ARID5B: variants seen among roughly 807,000 people sequenced by gnomAD.
ARID5B encodes the protein AT-rich interactive domain-containing protein 5B.
A neutral mutation model predicts 97.2 loss-of-function variants in ARID5B; 13 were observed. The ratio of observed to expected loss-of-function variants is 0.13; its 90% CI spans 0.09 to 0.21. ARID5B has a LOEUF of 0.21. ARID5B is among the 10% of genes least tolerant of loss of function. ARID5B has a pLI of 1.00. For missense variants in ARID5B, 1,210 were observed against 1,465.3 expected (o/e 0.83, Z 2.84); for synonymous variants, 556 against 570.3 (o/e 0.97, Z 0.36).
At chr10:61,938,749 C>T (rs1844347364) in intron 2 of ARID5B, among the ~76,000 whole-genome samples, 1 of 151,982 alleles carries the variant, frequency 6.6e-6, no homozygotes, top group South Asian at 2.1e-4. Flanking sequence ...GAAAGGATTC[C>T]ATTACTAAAG....
At chr10:62,051,671 T>A (rs2132932421) in intron 5 of ARID5B, among the ~76,000 whole-genome samples, 1 of 152,332 alleles carries the variant, frequency 6.6e-6, no homozygotes, top group East Asian at 1.9e-4. Context: ...CTGAAGTATT[T>A]TGCACGACAA....
intron 3 of ARID5B, among the ~76,000 whole-genome samples, chr10:61,986,100 G>A (rs1838843465): frequency 6.6e-6 from 1 of 151,956 alleles, no homozygotes; most frequent in South Asian, 2.1e-4. Flanking sequence ...AATCTGACAG[G>A]GCTCTTCTCA....
Position 62,091,073 on chromosome 10 carries a change from G to C in ARID5B, c.1610G>C (p.Gly537Ala), listed in dbSNP as rs148762493. The C allele has an allele frequency of 5.6e-5, 91 of 1,613,704 alleles. No homozygotes were observed. Among genetic ancestry groups the C allele is most frequent in the Non-Finnish European group, 7.1e-5 (84 of 1,179,974 alleles). ...EKVAEEAGEK[G>A]PTPPLPSAPL... ...GTGGCAGAGGAGGCGGGAGAGAAGG[G>C]GCCCACACCTCCACTCCCAAGTGCT... is the stretch of plus-strand genomic sequence containing the variant. Residue 537 changes from glycine (G) to alanine (A), a missense_variant, in exon 10 of 10, where the codon GGG becomes GCG. Coordinates refer to ENST00000279873, the MANE Select transcript of ARID5B (RefSeq NM_032199.3).
chr10:61,993,104 T>C (rs1226106690), intron 3 of ARID5B, among the ~76,000 whole-genome samples: 1 of 137,096 alleles, frequency 7.3e-6, no homozygotes, highest in Non-Finnish European at 1.6e-5. Flanking sequence ...TTAACAGCTT[T>C]GATGAGGAAG....
intron 3 of ARID5B, among the ~76,000 whole-genome samples, chr10:61,987,643 C>T (rs1200136540): frequency 1.3e-5 from 2 of 152,170 alleles, no homozygotes; most frequent in African/African-American, 2.4e-5. Flanking sequence ...ACAACTGTGC[C>T]GTCGTAGTGT....
At chr10:61,925,832 C>T (rs969477206) in intron 2 of ARID5B, among the ~76,000 whole-genome samples, 35 of 152,182 alleles carry the variant, frequency 2.3e-4, no homozygotes, top group East Asian at 1.9e-4. Context: ...TTGTTTGATA[C>T]GCAAATGCCG....
intron 4 of ARID5B, among the ~76,000 whole-genome samples, chr10:62,045,210 A>G (rs962327950): frequency 3.9e-5 from 6 of 152,202 alleles, no homozygotes; most frequent in Admixed American, 3.9e-4. Context: ...CATTACACCC[A>G]TAAATTTTAG....
intron 4 of ARID5B, among the ~76,000 whole-genome samples, chr10:62,028,721 G>T (rs576324963): frequency 3.3e-4 from 50 of 152,300 alleles, no homozygotes; most frequent in Admixed American, 2.8e-3. Flanking sequence ...AGCACTTTGG[G>T]AGGACGAGGC....
At chr10:62,076,561 C>CAAAA (rs11363274) in intron 8 of ARID5B, among the ~76,000 whole-genome samples, 1 of 92,654 alleles carries the variant, frequency 1.1e-5, no homozygotes, top group African/African-American at 3.8e-5. Flanking sequence ...GACTCTGTCT[C>CAAAA]AAAAAAAAAA....
At chr10:61,973,880 G>A (rs1313616578) in intron 3 of ARID5B, among the ~76,000 whole-genome samples, 1 of 152,206 alleles carries the variant, frequency 6.6e-6, no homozygotes, top group Non-Finnish European at 1.5e-5. Flanking sequence ...TTACAGTGCA[G>A]TGCGGGTTTA....
chr10:62,065,669 T>C (rs960009439), intron 7 of ARID5B, among the ~76,000 whole-genome samples: 2 of 151,264 alleles, frequency 1.3e-5, no homozygotes, highest in Admixed American at 1.3e-4. Flanking sequence ...CACGGTGAAA[T>C]CCCGTCTCTA....
At chr10:61,939,785 T>G (rs1352227910) in intron 2 of ARID5B, among the ~76,000 whole-genome samples, 1 of 152,244 alleles carries the variant, frequency 6.6e-6, no homozygotes, top group Non-Finnish European at 1.5e-5. Context: ...AGACCATTTA[T>G]GTAGAGACAG....
chr10:61,929,948 C>G (rs527896885), intron 2 of ARID5B, among the ~76,000 whole-genome samples: 1 of 152,294 alleles, frequency 6.6e-6, no homozygotes, highest in Admixed American at 6.5e-5. Flanking sequence ...ACAAGTAAGT[C>G]AAAGGGAAGG....
intron 3 of ARID5B, among the ~76,000 whole-genome samples, chr10:61,965,900 T>C (rs1275372501): frequency 6.6e-6 from 1 of 152,194 alleles, no homozygotes; most frequent in Non-Finnish European, 1.5e-5. Context: ...GTTATGTGCA[T>C]TATCTGGGAA....
chr10:62,036,824 C>A (rs534979189), intron 4 of ARID5B, among the ~76,000 whole-genome samples: 2 of 152,156 alleles, frequency 1.3e-5, no homozygotes, highest in Non-Finnish European at 2.9e-5. Flanking sequence ...TGACTCTGGG[C>A]GAGTGGCAGG....
chr10:61,953,460 T>C (rs10994985), intron 3 of ARID5B, among the ~76,000 whole-genome samples: 9,161 of 152,218 alleles, frequency 0.06, 386 homozygotes, highest in South Asian at 0.12. Flanking sequence ...CTTTTTTTTT[T>C]AATTGAGAAT....
chr10:62,028,997 G>A (rs918899464), intron 4 of ARID5B, among the ~76,000 whole-genome samples: 10 of 151,124 alleles, frequency 6.6e-5, no homozygotes, highest in African/African-American at 2.4e-4. Context: ...ACAGTACCTG[G>A]CATAAAATAT....
chr10:61,950,835 T>C (rs950297703), intron 3 of ARID5B, among the ~76,000 whole-genome samples: 1 of 152,246 alleles, frequency 6.6e-6, no homozygotes, highest in African/African-American at 2.4e-5. Context: ...AGCCACTGTA[T>C]GATTACTGAC....
intron 4 of ARID5B, among the ~76,000 whole-genome samples, chr10:62,009,257 G>A (rs1261546814): frequency 6.6e-6 from 1 of 152,168 alleles, no homozygotes; most frequent in Non-Finnish European, 1.5e-5. Flanking sequence ...GGCTCTCCAG[G>A]TGCCATCTTG....
Sources: gnomAD v4.1 joint callset for allele counts (sites outside exome capture counted in the v4.1 genomes callset) on GRCh38, gnomAD v4.1.1 for gene constraint, MANE v1.5 for transcripts, NCBI Gene and HGNC (gene_info 2026-07-23, HGNC 2026-07-21) for gene names.